The following PTGR2 variants were observed in gnomAD, a reference collection of about 807,000 sequenced individuals.
PTGR2 encodes the protein prostaglandin reductase 2.
PTGR2 carries 32 observed loss-of-function variants against 43.4 expected under a neutral mutation model. The ratio of observed to expected loss-of-function variants is 0.74; its 90% CI spans 0.56 to 0.99. The LOEUF (loss-of-function observed/expected upper bound fraction) is 0.99. Among genes scored for constraint, PTGR2 ranks in the 50% least tolerant of loss-of-function variants. The pLI is 0.00. For synonymous variants in PTGR2, 106 were observed against 139.2 expected (o/e 0.76, Z 1.68); for missense variants, 373 against 420.0 (o/e 0.89, Z 0.98).
chr14:73,858,861 C>G lies in PTGR2; in HGVS notation c.-2C>G, dbSNP rs1393831088. On this transcript the variant is annotated 5_prime_UTR_variant, in exon 2 of 10. Transcript: ENST00000555661. ...TTGTGAAACCACTGCCCAACCAGAG[C>G]AATGATTGTTCAAAGAGTGGTATTG... is the stretch of plus-strand genomic sequence containing the variant. 1.2e-6 allele frequency: 2 copies of G among 1,610,408 alleles called. No homozygotes were observed. The highest frequency in any genetic ancestry group is 1.7e-6 in the Non-Finnish European group (2 of 1,177,708).
chr14:73,858,899 G>T lies in PTGR2; in HGVS notation c.37G>T (p.Gly13Ter). 6.2e-7 allele frequency: 1 copy of T among 1,610,100 alleles called. No homozygotes were observed. The highest frequency in any genetic ancestry group is 8.5e-7 in the Non-Finnish European group (1 of 1,177,294). Residue 13 changes from glycine to a stop codon, truncating the protein, a stop_gained and splice_region_variant, in exon 2 of 10, where the codon GGA becomes TGA. Coordinates refer to ENST00000555661, the MANE Select transcript of PTGR2 (RefSeq NM_001146154.2). LOFTEE classifies it high-confidence loss of function. The part of the protein sequence containing the change: ...VQRVVLNSRP[G>*]KNGNPVAENF... ...AAGAGTGGTATTGAATTCTCGACCT[G>T]GTATGTATTTGCGATGAATGAACAA...
At chr14:73,879,546 T>C (rs1174798370) in intron 6 of PTGR2, 2 of 437,980 alleles carry the variant, frequency 4.6e-6, no homozygotes, top group East Asian at 4.3e-5. Flanking sequence ...TTTTTCACTT[T>C]TGGTTTATTT....
intron 3 of PTGR2, among the ~76,000 whole-genome samples, chr14:73,871,341 CTTT>C (rs869073652): frequency 0.041 from 2,773 of 67,794 alleles, 53 homozygotes; most frequent in South Asian, 0.11. Flanking sequence ...GGCTGTTCAT[CTTT>C]TTTTTTTTTT....
At chr14:73,873,438 G>A (rs72627113) in intron 3 of PTGR2, among the ~76,000 whole-genome samples, 11,479 of 151,840 alleles carry the variant, frequency 0.076, 900 homozygotes, top group East Asian at 0.44. Context: ...CTACCCTTAT[G>A]GCAAGTTTCT....
Position 73,882,800 on chromosome 14 carries a change from C to CTTTTTTTTTTTTTTTT in PTGR2, c.979+385_979+400dup, listed in dbSNP as rs35651032. Among the ~76,000 whole-genome samples, 2 of 41,868 alleles carry CTTTTTTTTTTTTTTTT rather than the reference C, an allele frequency of 4.8e-5. 1 individual carries two copies. Among genetic ancestry groups the CTTTTTTTTTTTTTTTT allele is most frequent in the Non-Finnish European group, 9.1e-5 (2 of 21,900 alleles). 27.5% of individuals were successfully genotyped at this position (41,868 alleles called of 152,430 possible). ...CAAGCGTGAGCCACCACGCCTGGCC[C>CTTTTTTTTTTTTTTTT]TTTTTTTTTTTTTTTTTTTTTTTTT... is the stretch of plus-strand genomic sequence containing the variant. On this transcript the variant is annotated intron_variant, in intron 9 of 9. Coordinates refer to ENST00000555661, the MANE Select transcript of PTGR2 (RefSeq NM_001146154.2).
intron 3 of PTGR2, 34 bp from the exon 4 acceptor site, chr14:73,873,989 T>A (rs2054795769): frequency 6.6e-7 from 1 of 1,510,896 alleles, no homozygotes; most frequent in Non-Finnish European, 8.9e-7. Flanking sequence ...TTGACATTAT[T>A]GGATAAAATT....
rs1769881235 is a variant in PTGR2, at chr14:73,884,214, T to C, written c.*37T>C. ...GTCATCAAGGCAATCATAGATTTCT[T>C]TTCCATTTTGCATATTTTCAAAGAT... On this transcript the variant is annotated 3_prime_UTR_variant, in exon 10 of 10. Coordinates refer to ENST00000555661, the MANE Select transcript of PTGR2 (RefSeq NM_001146154.2). 2 of 1,319,136 alleles carry C rather than the reference T, an allele frequency of 1.5e-6. No individual in the cohort carries two copies. The highest frequency in any genetic ancestry group is 2.9e-5 in the African/African-American group (2 of 68,530). The allele number at this position is 1,319,136 out of a possible 1,614,324, so 81.7% of individuals were successfully genotyped here. A position where few individuals can be genotyped will look rare whatever the true frequency, so the allele number is the denominator to read the frequency against.
intron 4 of PTGR2, among the ~76,000 whole-genome samples, chr14:73,875,967 C>A (rs1011661778): frequency 2.6e-5 from 4 of 151,428 alleles, no homozygotes; most frequent in Admixed American, 2.0e-4. Flanking sequence ...TTTTGGGCAC[C>A]CACCACCACA....
chr14:73,873,482 C>T (rs997387559), intron 3 of PTGR2, among the ~76,000 whole-genome samples: 2 of 147,408 alleles, frequency 1.4e-5, no homozygotes, highest in East Asian at 2.0e-4. Flanking sequence ...TTTTTTGAGA[C>T]GGAGTTTCGC....
At chr14:73,852,766 G>A (rs1301199855) in intron 1 of PTGR2, among the ~76,000 whole-genome samples, 1 of 152,144 alleles carries the variant, frequency 6.6e-6, no homozygotes, top group East Asian at 1.9e-4. Flanking sequence ...GGGGAAGGGG[G>A]AGACCAGAAA....
chr14:73,870,179 A>G (rs2054694705), intron 3 of PTGR2, among the ~76,000 whole-genome samples: 1 of 149,280 alleles, frequency 6.7e-6, no homozygotes, highest in Non-Finnish European at 1.5e-5. Context: ...AAAAATAGAA[A>G]AATCTTAAGC....
chr14:73,882,891 G>A (rs2055027955), intron 9 of PTGR2, among the ~76,000 whole-genome samples: 1 of 125,986 alleles, frequency 7.9e-6, no homozygotes, highest in African/African-American at 3.1e-5. Context: ...TATGATCTTG[G>A]CTCACTGCAA....
chr14:73,874,917 G>A (rs548337994), intron 4 of PTGR2, among the ~76,000 whole-genome samples: 1 of 152,280 alleles, frequency 6.6e-6, no homozygotes, highest in African/African-American at 2.4e-5. Context: ...CACCCAGGCT[G>A]GAGTGATCTT....
intron 1 of PTGR2, among the ~76,000 whole-genome samples, chr14:73,857,237 C>CGT (rs1409956257): frequency 9.1e-6 from 1 of 109,518 alleles, no homozygotes; most frequent in East Asian, 2.8e-4. Context: ...AAGGAATTTC[C>CGT]GTTTTTTTTT....
chr14:73,864,170 A>T (rs922564808), intron 3 of PTGR2, among the ~76,000 whole-genome samples: 5 of 152,216 alleles, frequency 3.3e-5, no homozygotes, highest in African/African-American at 9.6e-5. Flanking sequence ...TTGTATGGAT[A>T]CAGTATCTTA....
chr14:73,885,134 C>T lies in PTGR2; in HGVS notation c.*957C>T, dbSNP rs2140283874. Reference sequence around the variant, plus strand: ...GTGAAACCCCATCTCTCTAAAAATACAAAAATTAGCTGGGCGTGGTGGCAC... The same window carrying T: ...GTGAAACCCCATCTCTCTAAAAATATAAAAATTAGCTGGGCGTGGTGGCAC... On this transcript the variant is annotated 3_prime_UTR_variant, in exon 10 of 10. Transcript: ENST00000555661. 6.6e-6 allele frequency: 1 copy of T among 152,146 alleles called. No homozygotes were observed. Among genetic ancestry groups the T allele is most frequent in the East Asian group, 1.9e-4 (1 of 5,192 alleles). The allele number at this position is 152,146 out of a possible 1,614,324, so 9.4% of individuals were successfully genotyped here.
In PTGR2 at chr14:73,874,118, A is replaced by C; in HGVS notation, c.252A>C (p.Glu84Asp). The C allele has an allele frequency of 1.2e-6, 2 of 1,614,032 alleles. No homozygotes were observed. Among genetic ancestry groups the C allele is most frequent in the Non-Finnish European group, 1.7e-6 (2 of 1,179,958 alleles). ...GAGGAGGTATTGGAATTATAGAAGA[A>C]AGCAAACACACAAATTTGACTAAAG... ...VDGGGIGIIEESKHTNLTKGD... is the reference protein window; with the variant it reads ...VDGGGIGIIEDSKHTNLTKGD... Residue 84 changes from glutamate (E) to aspartate (D), a missense_variant, in exon 4 of 10, where the codon GAA becomes GAC. Glu to Asp is a conservative substitution (Grantham distance 45). Transcript: ENST00000555661.
chr14:73,868,210 GC>G (rs2140252234), intron 3 of PTGR2, among the ~76,000 whole-genome samples: 1 of 152,018 alleles, frequency 6.6e-6, no homozygotes, highest in East Asian at 1.9e-4. Flanking sequence ...AATCACTTGA[GC>G]CCGGGAGGCC....
At chr14:73,876,943 G>C in intron 4 of PTGR2, 55 bp from the exon 5 acceptor site, 1 of 1,367,112 alleles carries the variant, frequency 7.3e-7, no homozygotes, top group Admixed American at 1.9e-5. Flanking sequence ...TCTCTACTTT[G>C]TTGTCTCAAA....
Sources: gnomAD v4.1 joint callset for allele counts (sites outside exome capture counted in the v4.1 genomes callset) on GRCh38, gnomAD v4.1.1 for gene constraint, MANE v1.5 for transcripts, NCBI Gene and HGNC (gene_info 2026-07-23, HGNC 2026-07-21) for gene names.